The following KIF18B variants were observed in gnomAD, a reference collection of about 807,000 sequenced individuals.
The protein encoded by KIF18B is kinesin family member 18B.
Under a neutral mutation model 80.9 loss-of-function variants are expected in KIF18B, and 49 were observed. That is an observed-to-expected ratio of 0.61 (90% CI 0.48 to 0.77). KIF18B has a LOEUF of 0.77. Ranked by LOEUF, KIF18B falls within the 30% of genes least tolerant of loss-of-function variation. The pLI, the probability that KIF18B is intolerant of heterozygous loss-of-function variation, is 0.00. For synonymous variants in KIF18B, 439 were observed against 463.9 expected (o/e 0.95, Z 0.69); for missense variants, 994 against 1,127.7 (o/e 0.88, Z 1.70).
intron 9 of KIF18B, 106 bp from the exon 10 acceptor site, chr17:44,932,312 T>C (rs1041773419): frequency 2.3e-6 from 3 of 1,307,242 alleles, no homozygotes; most frequent in Non-Finnish European, 3.1e-6. Flanking sequence ...GGGTGGGATC[T>C]CTGTGGCACC....
intron 1 of KIF18B, among the ~76,000 whole-genome samples, chr17:44,937,181 A>G (rs1174672994): frequency 6.6e-6 from 1 of 151,852 alleles, no homozygotes; most frequent in African/African-American, 2.4e-5. Context: ...TCAGGCATTT[A>G]TTGTGCTACT....
rs75561262 is a variant in KIF18B, at chr17:44,932,506, C to T, written c.1238+167G>A. On this transcript the variant is annotated intron_variant, in intron 9 of 15. Coordinates refer to ENST00000593135, the MANE Select transcript of KIF18B (RefSeq NM_001265577.2). ...TGCCATTTACTCATTGGACACAGCA[C>T]TCTAGGTGACAGTCAGTTGCTGGGC... The T allele has an allele frequency of 2.1e-5, 13 of 615,282 alleles. 1 individual carries two copies. The Admixed American group carries it at 2.9e-4, about 14-fold the overall frequency. 38.1% of individuals were successfully genotyped at this position (615,282 alleles called of 1,614,324 possible). A position where few individuals can be genotyped will look rare whatever the true frequency, so the allele number is the denominator to read the frequency against.
chr17:44,926,004 G>T lies in KIF18B; in HGVS notation c.*76C>A. 1.3e-6 allele frequency: 2 copies of T among 1,512,420 alleles called. No homozygotes were observed. Among genetic ancestry groups the T allele is most frequent in the Non-Finnish European group, 1.8e-6 (2 of 1,092,116 alleles). 93.7% of individuals were successfully genotyped at this position (1,512,420 alleles called of 1,614,324 possible). On this transcript the variant is annotated 3_prime_UTR_variant, in exon 16 of 16. Coordinates refer to ENST00000593135, the MANE Select transcript of KIF18B (RefSeq NM_001265577.2). ...GCAGGTCCAGCTCCTGGTGCAGGTG[G>T]CTACAGGTCCAAGAGGGGTATCCAG...
chr17:44,931,993 T>C (rs1020683429), intron 10 of KIF18B, 63 bp downstream of exon 10: 1 of 1,530,230 alleles, frequency 6.5e-7, no homozygotes, highest in Admixed American at 2.0e-5. Context: ...AGAGGCAATT[T>C]TTCCAATATC....
intron 1 of KIF18B, among the ~76,000 whole-genome samples, chr17:44,937,681 T>C (rs760092499): frequency 6.6e-6 from 1 of 152,214 alleles, no homozygotes; most frequent in Non-Finnish European, 1.5e-5. Flanking sequence ...TATACAATTA[T>C]GTATCAGAAG....
In KIF18B at chr17:44,932,107, A is replaced by T; in HGVS notation, c.1338T>A (p.Ser446=). The part of the protein sequence containing the change: ...AQVERAMEGN[S]SDQEQSPEDE... ...CCTCTGGGGACTGCTCCTGGTCTGA[A>T]GAGTTCCCTTCCATGGCCCTCTCCA... The change falls in exon 10 of 16, where the codon TCT becomes TCA. Residue 446 remains serine, a synonymous_variant. Coordinates refer to ENST00000593135, the MANE Select transcript of KIF18B (RefSeq NM_001265577.2). 6.2e-7 allele frequency: 1 copy of T among 1,613,846 alleles called. No homozygotes were observed.
intron 14 of KIF18B, 50 bp downstream of exon 14, chr17:44,926,939 G>A: frequency 6.7e-7 from 1 of 1,501,418 alleles, no homozygotes; most frequent in Non-Finnish European, 9.1e-7. Context: ...CTACTGCCCT[G>A]GTGAGAGCGA....
intron 1 of KIF18B, among the ~76,000 whole-genome samples, chr17:44,941,663 T>C (rs997277482): frequency 1.3e-5 from 2 of 152,072 alleles, no homozygotes; most frequent in African/African-American, 4.8e-5. Context: ...ACAGAGAGGG[T>C]TCCTGTCTCC....
intron 1 of KIF18B, among the ~76,000 whole-genome samples, chr17:44,946,464 TCTC>T (rs750421524): frequency 2.6e-5 from 4 of 152,166 alleles, no homozygotes. Flanking sequence ...ATTGAGATGT[TCTC>T]CTCTAAACTA....
intron 9 of KIF18B, 66 bp from the exon 10 acceptor site, chr17:44,932,272 G>T: frequency 6.6e-7 from 1 of 1,511,372 alleles, no homozygotes. Context: ...TTGAGAGGCA[G>T]GATGTGGGCC....
rs770549153 is a variant in KIF18B, at chr17:44,926,991, C to T, written c.2364G>A (p.Ala788=). ...AGCTGACACCTCCCAAACCTCACCT[C>T]GCAACGCGCTTCTTCTTGCAGGCAG... is the stretch of plus-strand genomic sequence containing the variant. ...GTSACKKKRV[A]SSSVSHGRSR... is the part of the protein sequence containing the mutation. The change falls in exon 14 of 16, where the codon GCG becomes GCA. Residue 788 remains alanine (A), a splice_region_variant and synonymous_variant. Coordinates refer to ENST00000593135, the MANE Select transcript of KIF18B (RefSeq NM_001265577.2). 32 of 1,607,714 alleles carry T rather than the reference C, an allele frequency of 2.0e-5. No individual in the cohort carries two copies. Among genetic ancestry groups the T allele is most frequent in the Admixed American group, 5.1e-5 (3 of 59,188 alleles).
In KIF18B at chr17:44,934,904, T is replaced by A; in HGVS notation, c.503A>T (p.Glu168Val). 2 of 1,551,536 alleles carry A rather than the reference T, an allele frequency of 1.3e-6. No homozygotes were observed. The highest frequency in any genetic ancestry group is 1.7e-6 in the Non-Finnish European group (2 of 1,146,440). The part of the protein sequence containing the change: ...VYNEQIHDLL[E>V]PKGPLAIRED... The stretch of plus-strand genomic sequence containing the variant: ...GCGGATGGCAAGGGGCCCCTTGGGC[T>A]CCAGGAGGTCATGGATCTGTTCATT... Residue 168 changes from glutamate (E) to valine (V), a missense_variant, in exon 4 of 16, where the codon GAG becomes GTG. Coordinates refer to ENST00000593135, the MANE Select transcript of KIF18B (RefSeq NM_001265577.2). The surrounding 1 kb of genome is among the most constrained non-coding windows in gnomAD (Gnocchi z 5.4).
chr17:44,939,619 T>C (rs1399762983), intron 1 of KIF18B, among the ~76,000 whole-genome samples: 1 of 152,070 alleles, frequency 6.6e-6, no homozygotes, highest in Admixed American at 6.6e-5. Context: ...ATTTATAGAT[T>C]AATATGAGGA....
At chr17:44,939,254 G>A (rs1041320356) in intron 1 of KIF18B, among the ~76,000 whole-genome samples, 4 of 147,932 alleles carry the variant, frequency 2.7e-5, no homozygotes, top group Non-Finnish European at 3.0e-5. Context: ...GCCTGTAATC[G>A]CAGCTACTCG....
chr17:44,931,585 AG>A lies in KIF18B; in HGVS notation c.1517+16del, dbSNP rs1178334820. On this transcript the variant is annotated intron_variant, in intron 11 of 15. Coordinates refer to ENST00000593135, the MANE Select transcript of KIF18B (RefSeq NM_001265577.2). The stretch of plus-strand genomic sequence containing the variant: ...GCTTCCCACCTTGATTCCAGAATAC[AG>A]CAAGAAGATACCTACTGCTTAGAAC... The A allele has an allele frequency of 2.5e-6, 4 of 1,613,802 alleles. No homozygotes were observed. In the African/African-American group the frequency reaches 5.3e-5, roughly 22 times the overall value.
chr17:44,933,096 A>C, intron 7 of KIF18B, 110 bp from the exon 8 acceptor site: 1 of 942,026 alleles, frequency 1.1e-6, no homozygotes, highest in Admixed American at 2.4e-5. Flanking sequence ...CCCATGACCC[A>C]CCCTCGCAAG....
At chr17:44,926,937 C>G (rs767483854) in intron 14 of KIF18B, 52 bp downstream of exon 14, 74 of 1,495,018 alleles carry the variant, frequency 4.9e-5, no homozygotes, top group Non-Finnish European at 6.4e-5. Context: ...GTCTACTGCC[C>G]TGGTGAGAGC....
In KIF18B at chr17:44,926,045, G is replaced by A; in HGVS notation, c.*35C>T. Reference sequence around the variant, plus strand: ...GGGTATCCAGCAGAGGGGCCGGTAGGTTAGGACACCTTGGTGGTCAGGACA... The same window carrying A: ...GGGTATCCAGCAGAGGGGCCGGTAGATTAGGACACCTTGGTGGTCAGGACA... On this transcript the variant is annotated 3_prime_UTR_variant, in exon 16 of 16. Coordinates refer to ENST00000593135, the MANE Select transcript of KIF18B (RefSeq NM_001265577.2). 1 of 1,613,018 alleles carries A rather than the reference G, an allele frequency of 6.2e-7. No individual in the cohort carries two copies. The highest frequency in any genetic ancestry group is 8.5e-7 in the Non-Finnish European group (1 of 1,179,208).
chr17:44,934,287 G>A lies in KIF18B; in HGVS notation c.831C>T (p.Ile277=), dbSNP rs1394642312. 7.4e-6 allele frequency: 12 copies of A among 1,613,426 alleles called. No individual in the cohort carries two copies. Among genetic ancestry groups the A allele is most frequent in the South Asian group, 1.1e-5 (1 of 90,958 alleles). ...TGATGAGCGCCAGCAGAGAGCGGTT[G>A]ATGTTGGCCCCCTCCCGCAGCCGCT... is the stretch of plus-strand genomic sequence containing the variant. The part of the protein sequence containing the change: ...KGERLREGAN[I]NRSLLALINV... The change falls in exon 6 of 16, where the codon ATC becomes ATT. Residue 277 remains isoleucine, a synonymous_variant. Coordinates refer to ENST00000593135, the MANE Select transcript of KIF18B (RefSeq NM_001265577.2). The surrounding 1 kb of genome is among the most constrained non-coding windows in gnomAD (Gnocchi z 5.4).
Sources: gnomAD v4.1 joint callset for allele counts (sites outside exome capture counted in the v4.1 genomes callset) on GRCh38, gnomAD v4.1.1 for gene constraint, Gnocchi (gnomAD v3.1) non-coding constraint, MANE v1.5 for transcripts, NCBI Gene and HGNC (gene_info 2026-07-23, HGNC 2026-07-21) for gene names.